Variants in POLRMT observed in about 807,000 individuals in gnomAD.
POLRMT encodes DNA-directed RNA polymerase, mitochondrial.
Under a neutral mutation model 132.2 loss-of-function variants are expected in POLRMT, and 114 were observed. The ratio of observed to expected loss-of-function variants is 0.86; its 90% CI spans 0.74 to 1.01. POLRMT has a LOEUF of 1.01. POLRMT is among the 50% of genes least tolerant of loss of function. The probability of loss-of-function intolerance (pLI) is 0.00; values close to 1 mark genes in which losing one functional copy is unlikely to be tolerated. For missense variants in POLRMT, 2,003 were observed against 1,729.1 expected, an observed-to-expected ratio of 1.16 and a Z score of -2.81; for synonymous variants, 1,020 against 773.4, an observed-to-expected ratio of 1.32 and a Z score of -5.29.
In POLRMT at chr19:619,191, G is replaced by GGGACA. The variant is rs1984289237; in HGVS notation, c.3153+14_3153+18dup. On this transcript the variant is annotated intron_variant, in intron 14 of 20. Transcript: ENST00000588649. The stretch of plus-strand genomic sequence containing the variant: ...TTGCTTAGGGAGTCCTGGCCGAGCG[G>GGGACA]GGACAGGACAGGACGTACCTGGATG... The GGGACA allele has an allele frequency of 1.9e-6, 3 of 1,610,528 alleles. No individual in the cohort carries two copies. Among genetic ancestry groups the GGGACA allele is most frequent in the Non-Finnish European group, 2.5e-6 (3 of 1,178,428 alleles).
At chr19:625,713 T>C (rs933254874) in intron 3 of POLRMT, among the ~76,000 whole-genome samples, 5 of 152,280 alleles carry the variant, frequency 3.3e-5, no homozygotes, top group African/African-American at 7.2e-5. Flanking sequence ...TCACTTTTTT[T>C]CCCCCCAAGA....
At chr19:624,488 C>A (rs943824710) in intron 5 of POLRMT, among the ~76,000 whole-genome samples, 1 of 152,178 alleles carries the variant, frequency 6.6e-6, no homozygotes, top group African/African-American at 2.4e-5. Flanking sequence ...GTCACCCCAC[C>A]CTCTCTCTGC....
rs1984627038 is a variant in POLRMT, at chr19:621,766, C to A, written c.1932G>T (p.Val644=). The A allele has an allele frequency of 1.2e-6, 2 of 1,601,458 alleles. No individual in the cohort carries two copies. Among genetic ancestry groups the A allele is most frequent in the Non-Finnish European group, 1.7e-6 (2 of 1,179,776 alleles). Residue 644 remains valine (V), a synonymous_variant, in exon 10 of 21, where the codon GTG becomes GTT. Coordinates refer to ENST00000588649, the MANE Select transcript of POLRMT (RefSeq NM_005035.4). ...AAEPTLTFEA[V]DVPMLCPPLP... ...GCGGGGGGCAAAGCATGGGTACATC[C>A]ACCGCCTCGAAGGTCAGCGTGGGCT...
chr19:632,846 C>T lies in POLRMT; in HGVS notation c.181G>A (p.Glu61Lys). The T allele has an allele frequency of 6.5e-7, 1 of 1,543,382 alleles. No individual in the cohort carries two copies. Among genetic ancestry groups the T allele is most frequent in the Non-Finnish European group, 8.7e-7 (1 of 1,147,156 alleles). ...QDRRKDWGHV[E>K]LLEVLQARVR... ...GGGTCGCGCTCACCCTCCAGCAGCT[C>T]CACGTGGCCCCAGTCCTTCCTGCGG... The change falls in exon 2 of 21, where the codon GAG (glutamate) becomes AAG (lysine). Residue 61 changes from glutamate (E) to lysine (K), a missense_variant. Transcript: ENST00000588649.
Position 617,838 on chromosome 19 carries a change from G to A in POLRMT, c.3434C>T (p.Thr1145Ile), listed in dbSNP as rs201558272. Residue 1145 changes from threonine (T) to isoleucine (I), a missense_variant, in exon 18 of 21, where the codon ACC becomes ATC. Coordinates refer to ENST00000588649, the MANE Select transcript of POLRMT (RefSeq NM_005035.4). ...GTAACAGTCGTGCACAGAGACGAAG[G>A]TCAGGCCCTTCCTGTGGCAGAGCGG... ...TALHCYRKGL[T>I]FVSVHDCYWT... The A allele has an allele frequency of 5.0e-5, 81 of 1,613,250 alleles. No individual in the cohort carries two copies. Among genetic ancestry groups the A allele is most frequent in the East Asian group, 1.3e-4 (6 of 44,872 alleles).
chr19:630,044 C>A lies in POLRMT; in HGVS notation c.318G>T (p.Lys106Asn), dbSNP rs548151641. 1 of 1,613,914 alleles carries A rather than the reference C, an allele frequency of 6.2e-7. No homozygotes were observed. The highest frequency in any genetic ancestry group is 1.3e-5 in the African/African-American group (1 of 75,072). Residue 106 changes from lysine (K) to asparagine (N), a missense_variant, in exon 3 of 21, where the codon AAG becomes AAT. Transcript: ENST00000588649. ...SGDGSLQPPR[K>N]VQMGAKDATP... The stretch of plus-strand genomic sequence containing the variant: ...TGGCATCCTTGGCCCCCATCTGGAC[C>A]TTCCTGGGTGGCTGGAGGCTACCAT...
At chr19:628,432 C>T (rs1429127467) in intron 3 of POLRMT, among the ~76,000 whole-genome samples, 1 of 152,212 alleles carries the variant, frequency 6.6e-6, no homozygotes, top group East Asian at 1.9e-4. Flanking sequence ...AAGAGCACTG[C>T]GGACTTCACC....
chr19:618,906 T>G, intron 15 of POLRMT, 91 bp downstream of exon 15: 1 of 1,351,884 alleles, frequency 7.4e-7, no homozygotes, highest in Non-Finnish European at 1.0e-6. Context: ...GGTGGTACAC[T>G]GGGGTGGTGG....
chr19:625,221 T>C lies in POLRMT; in HGVS notation c.856A>G (p.Met286Val), dbSNP rs760968672. 8 of 1,613,900 alleles carry C rather than the reference T, an allele frequency of 5.0e-6. No individual in the cohort carries two copies. The highest frequency in any genetic ancestry group is 1.1e-5 in the South Asian group (1 of 91,094). ...GGAGTCAAGCCGGCATCCTTCACCATGAATAACACATATACCAGCTCCTTG... is the reference window on the plus strand; with the variant it reads ...GGAGTCAAGCCGGCATCCTTCACCACGAATAACACATATACCAGCTCCTTG... ...AFKELVYVLF[M>V]VKDAGLTPDL... Residue 286 changes from methionine (M) to valine (V), a missense_variant, in exon 4 of 21, where the codon ATG (methionine) becomes GTG (valine). Met to Val is a conservative substitution (Grantham distance 21, BLOSUM62 1). Transcript: ENST00000588649.
In POLRMT at chr19:623,539, T is replaced by G. The variant is rs752905295; in HGVS notation, c.1205A>C (p.Lys402Thr). The stretch of plus-strand genomic sequence containing the variant: ...GCTGGCCAGCTCCATGTGGAGCTGC[T>G]TCTCAAAGAGGCACTGCAGGGTCTT... ...PLKTLQCLFE[K>T]QLHMELASRV... is the part of the protein sequence containing the mutation. The change falls in exon 6 of 21, where the codon AAG becomes ACG. Residue 402 changes from lysine (K) to threonine (T), a missense_variant. Lys to Thr is a moderately conservative substitution (Grantham distance 78). Coordinates refer to ENST00000588649, the MANE Select transcript of POLRMT (RefSeq NM_005035.4). The G allele has an allele frequency of 6.2e-7, 1 of 1,613,662 alleles. No homozygotes were observed. The highest frequency in any genetic ancestry group is 8.5e-7 in the Non-Finnish European group (1 of 1,179,994).
chr19:620,970 C>CGCGGGGGCGCCGGGGGAGGGA, intron 10 of POLRMT, 88 bp downstream of exon 10: 1 of 608,110 alleles, frequency 1.6e-6, no homozygotes, highest in Non-Finnish European at 2.2e-6. Context: ...GGGCAGGGGG[C>CGCGGGGGCGCCGGGGGAGGGA]GCGGGGGCGC....
chr19:624,970 G>A (rs1189783279), intron 4 of POLRMT, 65 bp from the exon 5 acceptor site: 12 of 1,549,614 alleles, frequency 7.7e-6, no homozygotes, highest in East Asian at 4.5e-5. Context: ...CAGACCCCAG[G>A]GGAACCTCGT....
At chr19:632,535 C>CGGGG (rs771172907) in intron 2 of POLRMT, among the ~76,000 whole-genome samples, 20,478 of 100,788 alleles carry the variant, frequency 0.2, 1,593 homozygotes, top group South Asian at 0.27. Context: ...GGCGGCGGGG[C>CGGGG]CGGGGGGGGG....
chr19:633,139 G>A (rs8111652), intron 1 of POLRMT: 6 of 598,326 alleles, frequency 1.0e-5, no homozygotes, highest in Non-Finnish European at 2.8e-6. Context: ...GAACCGCCGA[G>A]AGAGGGTTCC....
Position 619,030 on chromosome 19 carries a change from G to T in POLRMT, c.3234C>A (p.Val1078=). 6.3e-7 allele frequency: 1 copy of T among 1,599,302 alleles called. No individual in the cohort carries two copies. Among genetic ancestry groups the T allele is most frequent in the Non-Finnish European group, 8.5e-7 (1 of 1,173,214 alleles). Residue 1078 remains valine (V), a synonymous_variant, in exon 15 of 21, where the codon GTC becomes GTA. Transcript: ENST00000588649. The part of the protein sequence containing the change: ...VEWVTPLGVP[V]IQPYRLDSKV... ...TGGAGTCCAGGCGATAGGGCTGGAT[G>T]ACGGGGACGCCCAGGGGTGTGACCC...
At chr19:630,299 A>G (rs900083807) in intron 2 of POLRMT, 131 bp from the exon 3 acceptor site, 8 of 1,084,402 alleles carry the variant, frequency 7.4e-6, no homozygotes, top group South Asian at 1.6e-5. Context: ...TGAATTCCTC[A>G]TACTTGCCAA....
intron 11 of POLRMT, 125 bp from the exon 12 acceptor site, chr19:620,205 C>G (rs1984407121): frequency 1.4e-6 from 2 of 1,466,332 alleles, no homozygotes; most frequent in Non-Finnish European, 1.8e-6. Context: ...CACCGGAGCC[C>G]CCGCACGCTC....
At chr19:629,017 A>C (rs1299863841) in intron 3 of POLRMT, among the ~76,000 whole-genome samples, 1 of 152,126 alleles carries the variant, frequency 6.6e-6, no homozygotes, top group African/African-American at 2.4e-5. Context: ...CAAATAAATA[A>C]ACAAACAAAA....
chr19:621,000 GC>G (rs1984520477), intron 10 of POLRMT, 57 bp downstream of exon 10: 4 of 909,580 alleles, frequency 4.4e-6, no homozygotes, highest in Non-Finnish European at 5.4e-6. Context: ...GCGCGGGGGC[GC>G]CGGGGGAGGG....
Sources: gnomAD v4.1 joint callset for allele counts (sites outside exome capture counted in the v4.1 genomes callset) on GRCh38, gnomAD v4.1.1 for gene constraint, MANE v1.5 for transcripts, NCBI Gene and HGNC (gene_info 2026-07-23, HGNC 2026-07-21) for gene names.